DTNA: variants seen among roughly 807,000 people sequenced by gnomAD.
DTNA encodes the protein dystrophin-related protein 3.
Under a neutral mutation model 100.7 loss-of-function variants are expected in DTNA, and 43 were observed. That is an observed-to-expected ratio of 0.43 (90% CI 0.33 to 0.55). DTNA has a LOEUF of 0.55. DTNA is among the 20% of genes least tolerant of loss of function. The pLI, the probability that DTNA is intolerant of heterozygous loss-of-function variation, is 0.04. For missense variants in DTNA, 798 were observed against 953.9 expected, an observed-to-expected ratio of 0.84 and a Z score of 2.15; for synonymous variants, 349 against 347.9, an observed-to-expected ratio of 1.00 and a Z score of -0.04.
At chr18:34,661,841 A>G (rs563065544) in intron 1 of DTNA, among the ~76,000 whole-genome samples, 1 of 152,236 alleles carries the variant, frequency 6.6e-6, no homozygotes, top group African/African-American at 2.4e-5. Flanking sequence ...CAGCTTTCAA[A>G]CCCTGCCAAC....
intron 1 of DTNA, among the ~76,000 whole-genome samples, chr18:34,677,978 G>A (rs1015427543): frequency 6.6e-6 from 1 of 152,142 alleles, no homozygotes; most frequent in African/African-American, 2.4e-5. Context: ...CAGATGGCTG[G>A]TGAGGCCTCA....
At chr18:34,637,504 T>A (rs1443441761) in intron 1 of DTNA, among the ~76,000 whole-genome samples, 1 of 152,242 alleles carries the variant, frequency 6.6e-6, no homozygotes, top group East Asian at 1.9e-4. Flanking sequence ...GCAAGTTAGT[T>A]AATTAAAGCC....
intron 13 of DTNA, among the ~76,000 whole-genome samples, chr18:34,844,616 A>T (rs1465736921): frequency 6.6e-6 from 1 of 152,130 alleles, no homozygotes; most frequent in Admixed American, 6.6e-5. Flanking sequence ...ATTAATTTCT[A>T]GTGATAAAAT....
chr18:34,729,995 C>T (rs1434921472), intron 1 of DTNA, among the ~76,000 whole-genome samples: 1 of 152,012 alleles, frequency 6.6e-6, no homozygotes, highest in Non-Finnish European at 1.5e-5. Flanking sequence ...CTTGGTTCTG[C>T]ATGAAAAAAC....
chr18:34,821,762 T>C (rs2095726627), intron 9 of DTNA, among the ~76,000 whole-genome samples: 1 of 152,178 alleles, frequency 6.6e-6, no homozygotes, highest in African/African-American at 2.4e-5. Context: ...TATCACACCA[T>C]AGGGCCTGTG....
intron 18 of DTNA, 68 bp downstream of exon 18, chr18:34,875,466 T>C: frequency 6.2e-6 from 10 of 1,607,300 alleles, no homozygotes; most frequent in Non-Finnish European, 8.5e-6. Flanking sequence ...GTCTATTGAG[T>C]GGTCAAGAGT....
intron 1 of DTNA, among the ~76,000 whole-genome samples, chr18:34,602,957 C>T (rs1026484174): frequency 1.3e-5 from 2 of 151,138 alleles, no homozygotes; most frequent in Non-Finnish European, 3.0e-5. Flanking sequence ...GAACCGAGAT[C>T]ACGCCATTGT....
intron 5 of DTNA, among the ~76,000 whole-genome samples, chr18:34,809,894 T>C (rs989497044): frequency 6.6e-6 from 1 of 152,194 alleles, no homozygotes; most frequent in African/African-American, 2.4e-5. Context: ...CCCTGTGTAA[T>C]TCCAGGGAGC....
chr18:34,612,557 T>C (rs951859818), intron 1 of DTNA, among the ~76,000 whole-genome samples: 1 of 152,106 alleles, frequency 6.6e-6, no homozygotes, highest in Non-Finnish European at 1.5e-5. Flanking sequence ...TAAAGGGTAA[T>C]GTCCACTTCC....
chr18:34,676,041 C>T (rs968458550), intron 1 of DTNA, among the ~76,000 whole-genome samples: 9 of 152,102 alleles, frequency 5.9e-5, no homozygotes, highest in East Asian at 1.9e-4. Context: ...AATAATAACA[C>T]GAATGTTAAC....
At chr18:34,793,985 T>C in intron 3 of DTNA, 52 bp from the exon 4 acceptor site, 1 of 1,574,744 alleles carries the variant, frequency 6.4e-7, no homozygotes, top group Admixed American at 1.8e-5. Context: ...TAAACTGATG[T>C]ATTTGCCTTC....
intron 1 of DTNA, among the ~76,000 whole-genome samples, chr18:34,681,350 C>T (rs1257135393): frequency 6.6e-6 from 1 of 151,948 alleles, no homozygotes; most frequent in Non-Finnish European, 1.5e-5. Flanking sequence ...TTTTAAAATA[C>T]TTTATACTAA....
chr18:34,727,083 G>A (rs1486960696), intron 1 of DTNA, among the ~76,000 whole-genome samples: 4 of 152,172 alleles, frequency 2.6e-5, no homozygotes, highest in Middle Eastern at 3.2e-3. Flanking sequence ...TCTCAGAAGC[G>A]GCAGCCTGAG....
chr18:34,822,805 A>G (rs2095757768), intron 9 of DTNA, among the ~76,000 whole-genome samples: 1 of 152,088 alleles, frequency 6.6e-6, no homozygotes, highest in South Asian at 2.1e-4. Flanking sequence ...TTCTTAGTTT[A>G]TGTTCCATGG....
chr18:34,745,259 C>T (rs908759335), intron 1 of DTNA, among the ~76,000 whole-genome samples: 2 of 152,078 alleles, frequency 1.3e-5, no homozygotes, highest in Non-Finnish European at 2.9e-5. Flanking sequence ...AATGTTAAAG[C>T]ATACAAGCCT....
chr18:34,578,826 G>C (rs1432923979), intron 1 of DTNA, among the ~76,000 whole-genome samples: 1 of 152,076 alleles, frequency 6.6e-6, no homozygotes, highest in Non-Finnish European at 1.5e-5. Flanking sequence ...ATTGGTCTAT[G>C]TGCCTATTTT....
At chr18:34,794,963 C>G (rs2094907422) in intron 4 of DTNA, among the ~76,000 whole-genome samples, 4 of 152,160 alleles carry the variant, frequency 2.6e-5, no homozygotes, top group African/African-American at 9.7e-5. Flanking sequence ...CGAGTGGGGA[C>G]TTAGGTGTTC....
chr18:34,536,671 T>C (rs1453991189), intron 1 of DTNA, among the ~76,000 whole-genome samples: 1 of 152,010 alleles, frequency 6.6e-6, no homozygotes, highest in Non-Finnish European at 1.5e-5. Context: ...TTTTCTATCA[T>C]AGTGAAGTGT....
chr18:34,498,849 T>C (rs2039576913), intron 1 of DTNA, among the ~76,000 whole-genome samples: 1 of 152,222 alleles, frequency 6.6e-6, no homozygotes, highest in African/African-American at 2.4e-5. Context: ...TACTATACAT[T>C]TATTTTGCAT....
Sources: gnomAD v4.1 joint callset for allele counts (sites outside exome capture counted in the v4.1 genomes callset) on GRCh38, gnomAD v4.1.1 for gene constraint, MANE v1.5 for transcripts, NCBI Gene and HGNC (gene_info 2026-07-23, HGNC 2026-07-21) for gene names.